AKAP8: variants seen among roughly 807,000 people sequenced by gnomAD.
The protein encoded by AKAP8 is A-kinase anchor protein 8.
AKAP8 carries 24 observed loss-of-function variants against 67.5 expected under a neutral mutation model. The observed-to-expected ratio is 0.36, with a 90% CI of 0.26 to 0.50. AKAP8 has a LOEUF of 0.50. Among genes scored for constraint, AKAP8 ranks in the 20% least tolerant of loss-of-function variants. The pLI is 0.97. For synonymous variants in AKAP8, 400 were observed against 371.1 expected, an observed-to-expected ratio of 1.08 and a Z score of -0.90; for missense variants, 971 against 955.9, an observed-to-expected ratio of 1.02 and a Z score of -0.21.
chr19:15,374,552 G>C (rs1258954565), intron 3 of AKAP8, 51 bp downstream of exon 3: 8 of 1,600,386 alleles, frequency 5.0e-6, no homozygotes, highest in Non-Finnish European at 6.8e-6. Flanking sequence ...CTGGCCTTCA[G>C]ATCAGAGGCC....
chr19:15,376,437 C>T (rs528855160), intron 2 of AKAP8, among the ~76,000 whole-genome samples: 12 of 151,586 alleles, frequency 7.9e-5, no homozygotes, highest in Admixed American at 1.3e-4. Flanking sequence ...AAGCCGAGAT[C>T]ACACCACTGC....
At position 15,369,301 on chromosome 19, in the gene AKAP8, G is replaced by C; in HGVS notation, c.1072+845C>G. ...TCGGGGCGCCCCGTGCTATGGACAG[G>C]ACTGCTGCGGGTCGCGGGGGGGAGG... On this transcript the variant is annotated intron_variant, in intron 8 of 13. Coordinates refer to ENST00000269701, the MANE Select transcript of AKAP8 (RefSeq NM_005858.4). This position sits in a 1 kb window ranked among gnomAD's most constrained non-coding sequence, Gnocchi z 4.6. 1 of 981,624 alleles carries C rather than the reference G, an allele frequency of 1.0e-6. No homozygotes were observed. The highest frequency in any genetic ancestry group is 1.2e-6 in the Non-Finnish European group (1 of 826,422). The allele number at this position is 981,624 out of a possible 1,614,324, so 60.8% of individuals were successfully genotyped here. A position where few individuals can be genotyped will look rare whatever the true frequency, so the allele number is the denominator to read the frequency against.
intron 12 of AKAP8, 61 bp downstream of exon 12, chr19:15,360,787 G>C: frequency 6.4e-7 from 1 of 1,564,900 alleles, no homozygotes; most frequent in African/African-American, 1.4e-5. Flanking sequence ...ATAAGACACA[G>C]CAGGCTCTGA....
chr19:15,360,140 A>C (rs1039362291), intron 12 of AKAP8, among the ~76,000 whole-genome samples: 3 of 152,128 alleles, frequency 2.0e-5, no homozygotes, highest in African/African-American at 7.2e-5. Context: ...CGTAAAAAAA[A>C]AACAAAAAAA....
In AKAP8 at chr19:15,373,050, G is replaced by C. The variant is rs938921665; in HGVS notation, c.662C>G (p.Ser221Cys). 1 of 1,603,950 alleles carries C rather than the reference G, an allele frequency of 6.2e-7. No individual in the cohort carries two copies. The highest frequency in any genetic ancestry group is 1.3e-5 in the African/African-American group (1 of 74,880). ...GTAGTTCAGCTCGTTCCAGGGCGTG[G>C]ACAGGGGCTCAGAGGACGCAGCGGG... ...VPPAASSEPL[S>C]TPWNELNYVG... Residue 221 changes from serine to cysteine, a missense_variant, in exon 5 of 14, where the codon TCC (serine) becomes TGC (cysteine). Ser to Cys is a moderately radical substitution (Grantham distance 112). Transcript: ENST00000269701.
At chr19:15,378,776 C>G (rs1376357866) in intron 1 of AKAP8, among the ~76,000 whole-genome samples, 1 of 152,196 alleles carries the variant, frequency 6.6e-6, no homozygotes, top group Non-Finnish European at 1.5e-5. Flanking sequence ...CCCAACTATC[C>G]CCTGTGGGCA....
chr19:15,376,464 C>G (rs1967254171), intron 2 of AKAP8, among the ~76,000 whole-genome samples: 1 of 151,988 alleles, frequency 6.6e-6, no homozygotes, highest in African/African-American at 2.4e-5. Flanking sequence ...GCCTGGGCAA[C>G]AGAGCAAGAC....
chr19:15,361,069 C>G, intron 11 of AKAP8, 91 bp from the exon 12 acceptor site: 3 of 1,498,446 alleles, frequency 2.0e-6, no homozygotes, highest in Non-Finnish European at 2.7e-6. Flanking sequence ...CTCCCTGCAA[C>G]TCTAAGGAAT....
chr19:15,359,381 CTTTT>C (rs1206853191), intron 12 of AKAP8, among the ~76,000 whole-genome samples: 2 of 152,220 alleles, frequency 1.3e-5, no homozygotes, highest in East Asian at 3.8e-4. Flanking sequence ...CAAGCTCTTT[CTTTT>C]CAGTTTTTGG....
At chr19:15,363,204 G>A (rs1177117639) in intron 9 of AKAP8, among the ~76,000 whole-genome samples, 1 of 151,016 alleles carries the variant, frequency 6.6e-6, no homozygotes, top group Non-Finnish European at 1.5e-5. Flanking sequence ...CCGCCCGGCA[G>A]CCACCTTGTC....
chr19:15,367,710 C>G (rs186500609), intron 9 of AKAP8, among the ~76,000 whole-genome samples: 1 of 152,324 alleles, frequency 6.6e-6, no homozygotes, highest in Admixed American at 6.5e-5. Flanking sequence ...TTTTTGCAAT[C>G]CTTTTCTATT....
intron 9 of AKAP8, among the ~76,000 whole-genome samples, chr19:15,366,041 A>G (rs1027144985): frequency 8.6e-5 from 13 of 150,936 alleles, no homozygotes; most frequent in African/African-American, 3.1e-4. Flanking sequence ...AAAAAAAAAA[A>G]AAAAGAAAAA....
chr19:15,379,763 T>C lies in AKAP8; in HGVS notation c.-32A>G, dbSNP rs368699019. 2 of 1,609,962 alleles carry C rather than the reference T, an allele frequency of 1.2e-6. No individual in the cohort carries two copies. The highest frequency in any genetic ancestry group is 2.7e-5 in the African/African-American group (2 of 74,580). The stretch of plus-strand genomic sequence containing the variant: ...GACGCGGCCCACCAGCAGCCCCGTT[T>C]ACTAGGCGACCACAGCACGCATGCG... On this transcript the variant is annotated 5_prime_UTR_variant, in exon 1 of 14. Coordinates refer to ENST00000269701, the MANE Select transcript of AKAP8 (RefSeq NM_005858.4).
Position 15,362,105 on chromosome 19 carries a change from T to G in AKAP8, c.1302+5A>C. 2 of 1,613,734 alleles carry G rather than the reference T, an allele frequency of 1.2e-6. No homozygotes were observed. Among genetic ancestry groups the G allele is most frequent in the Non-Finnish European group, 1.7e-6 (2 of 1,179,854 alleles). ...ACGCGGTGACGGGGCCCAGGTTTCC[T>G]TTACCTGGAGGAACTCCACGGTCTT... On this transcript the variant is annotated splice_donor_5th_base_variant and intron_variant, in intron 10 of 13. Coordinates refer to ENST00000269701, the MANE Select transcript of AKAP8 (RefSeq NM_005858.4).
chr19:15,373,260 C>A lies in AKAP8; in HGVS notation c.452G>T (p.Ser151Ile), dbSNP rs1411652142. 6.2e-7 allele frequency: 1 copy of A among 1,614,000 alleles called. No homozygotes were observed. The highest frequency in any genetic ancestry group is 1.1e-5 in the South Asian group (1 of 91,084). ...PEHNPYRPSY[S>I]YDYEFDLGSD... is the part of the protein sequence containing the mutation. ...CCCCAGGTCGAACTCATAGTCGTAGCTGTAGCTGGGGCGGTAGGGGTTGTG... is the reference window on the plus strand; with the variant it reads ...CCCCAGGTCGAACTCATAGTCGTAGATGTAGCTGGGGCGGTAGGGGTTGTG... The change falls in exon 5 of 14, where the codon AGC (serine) becomes ATC (isoleucine). Residue 151 changes from serine (S) to isoleucine (I), a missense_variant. Coordinates refer to ENST00000269701, the MANE Select transcript of AKAP8 (RefSeq NM_005858.4).
chr19:15,366,994 A>AC (rs1292593213), intron 9 of AKAP8, among the ~76,000 whole-genome samples: 3 of 151,146 alleles, frequency 2.0e-5, no homozygotes, highest in Non-Finnish European at 4.4e-5. Flanking sequence ...TACAAAGTCC[A>AC]CCTCCCCAGT....
intron 9 of AKAP8, among the ~76,000 whole-genome samples, chr19:15,363,876 T>A (rs1967022719): frequency 6.6e-6 from 1 of 151,206 alleles, no homozygotes; most frequent in Admixed American, 6.6e-5. Context: ...CTGTGCTCTC[T>A]GAAACATGTG....
At chr19:15,358,354 G>A (rs1464765212) in intron 13 of AKAP8, among the ~76,000 whole-genome samples, 1 of 151,618 alleles carries the variant, frequency 6.6e-6, no homozygotes, top group African/African-American at 2.4e-5. Flanking sequence ...CATGTACCTT[G>A]GATTCTTTTT....
intron 2 of AKAP8, among the ~76,000 whole-genome samples, chr19:15,375,841 TGTTAGCCAGGATG>T (rs1967243163): frequency 6.6e-6 from 1 of 151,954 alleles, no homozygotes; most frequent in African/African-American, 2.4e-5. Context: ...GGTTTCACTG[TGTTAGCCAGGATG>T]GTCTCGATCT....
Sources: allele counts gnomAD v4.1 joint callset (sites outside exome capture counted in the v4.1 genomes callset), GRCh38; gene constraint gnomAD v4.1.1; non-coding constraint Gnocchi (gnomAD v3.1); transcripts MANE v1.5; gene names NCBI Gene and HGNC (gene_info 2026-07-23, HGNC 2026-07-21).